TTC21B: variants seen among roughly 807,000 people sequenced by gnomAD.
The protein encoded by TTC21B is tetratricopeptide repeat protein 21B.
In TTC21B, 127 loss-of-function variants were observed where a neutral mutation model predicts 175.1. The ratio of observed to expected loss-of-function variants is 0.73; its 90% CI spans 0.63 to 0.84. TTC21B has a LOEUF of 0.84. Among genes scored for constraint, TTC21B ranks in the 40% least tolerant of loss-of-function variants. The pLI, the probability that TTC21B is intolerant of heterozygous loss-of-function variation, is 0.00. For synonymous variants in TTC21B, 524 were observed against 524.5 expected (o/e 1.00, Z 0.01); for missense variants, 1,561 against 1,558.3 (o/e 1.00, Z -0.03).
chr2:165,891,041 G>T, intron 22 of TTC21B, 53 bp from the exon 23 acceptor site: 1 of 1,459,796 alleles, frequency 6.9e-7, no homozygotes, highest in Non-Finnish European at 9.6e-7. Flanking sequence ...TGTTTCTTTT[G>T]TTGGTTATAA....
chr2:165,932,770 A>C (rs1197518240), intron 7 of TTC21B, among the ~76,000 whole-genome samples: 2 of 152,238 alleles, frequency 1.3e-5, no homozygotes, highest in South Asian at 2.1e-4. Context: ...TTAACTGTAT[A>C]GTATTTTTGC....
rs771661584 is a variant in TTC21B at position 165,915,251 on chromosome 2, A to G, written c.2088T>C (p.Asp696=). The G allele has an allele frequency of 6.2e-7, 1 of 1,614,132 alleles. No homozygotes were observed. The highest frequency in any genetic ancestry group is 1.1e-5 in the South Asian group (1 of 91,086). ...YFIEAREKMA[D]IYLKHRKDKM... ...TATCTTTTCTGTGCTTCAGATAAAT[A>G]TCTGCCATTTTTTCTCTGGCCTCTA... The change falls in exon 15 of 29, where the codon GAT becomes GAC. Residue 696 remains aspartate, a synonymous_variant. Transcript: ENST00000243344.
chr2:165,883,065 T>C (rs1684887848), intron 26 of TTC21B, among the ~76,000 whole-genome samples: 1 of 152,128 alleles, frequency 6.6e-6, no homozygotes, highest in Non-Finnish European at 1.5e-5. Context: ...AACGGTCCAT[T>C]TGTAATCTAA....
At chr2:165,952,750 T>A (rs6728363) in intron 1 of TTC21B, among the ~76,000 whole-genome samples, 4 of 152,216 alleles carry the variant, frequency 2.6e-5, no homozygotes, top group African/African-American at 9.7e-5. Context: ...ACCTCCTACA[T>A]CGCCAAATTG....
chr2:165,918,629 T>C (rs1686274375), intron 13 of TTC21B, among the ~76,000 whole-genome samples: 1 of 152,128 alleles, frequency 6.6e-6, no homozygotes, highest in Non-Finnish European at 1.5e-5. Context: ...TCTAATTCAC[T>C]GAAGGGTTCT....
chr2:165,882,147 T>G (rs759424499), intron 26 of TTC21B, among the ~76,000 whole-genome samples: 1 of 152,166 alleles, frequency 6.6e-6, no homozygotes, highest in Non-Finnish European at 1.5e-5. Context: ...TGTCTGATTC[T>G]CCCTCTTTTT....
At position 165,942,319 on chromosome 2, in the gene TTC21B, A is replaced by C. The variant is rs116316536; in HGVS notation, c.552+900T>G. ...CTTTTTGCTGAGTCAAAAAAAAATT[A>C]AGGCATTTAGATAGCATCAATGGGG... On this transcript the variant is annotated intron_variant, in intron 5 of 28. Coordinates refer to ENST00000243344, the MANE Select transcript of TTC21B (RefSeq NM_024753.5). 4.0e-3 allele frequency among the ~76,000 whole-genome samples: 613 copies of C among 152,340 alleles called. 7 individuals carry two copies. The highest frequency in any genetic ancestry group is 0.014 in the African/African-American group (578 of 41,580).
At chr2:165,936,068 T>C (rs929783749) in intron 6 of TTC21B, among the ~76,000 whole-genome samples, 11 of 151,510 alleles carry the variant, frequency 7.3e-5, no homozygotes, top group Non-Finnish European at 1.6e-4. Flanking sequence ...CAAGACTTAC[T>C]ATAAAGCTTC....
chr2:165,874,618 G>A lies in TTC21B; in HGVS notation c.*137C>T, dbSNP rs1684606417. ...CACATAGTACTTCTCTTGATGTACA[G>A]CAGCAACCTCTGCTGGAGAAAAAAG... is the stretch of plus-strand genomic sequence containing the variant. On this transcript the variant is annotated 3_prime_UTR_variant, in exon 29 of 29. Transcript: ENST00000243344. The A allele has an allele frequency of 2.7e-6, 2 of 748,972 alleles. No individual in the cohort carries two copies. The highest frequency in any genetic ancestry group is 4.7e-6 in the Non-Finnish European group (2 of 429,692). The allele number at this position is 748,972 out of a possible 1,614,324, so 46.4% of individuals were successfully genotyped here. A position where few individuals can be genotyped will look rare whatever the true frequency, so the allele number is the denominator to read the frequency against.
At chr2:165,921,818 T>A (rs1040765586) in intron 12 of TTC21B, among the ~76,000 whole-genome samples, 3 of 151,356 alleles carry the variant, frequency 2.0e-5, no homozygotes, top group Non-Finnish European at 4.4e-5. Flanking sequence ...TACTAGAAAT[T>A]TTCTTAATCT....
At chr2:165,945,998 T>C (rs1687545819) in intron 3 of TTC21B, among the ~76,000 whole-genome samples, 1 of 152,162 alleles carries the variant, frequency 6.6e-6, no homozygotes, top group Non-Finnish European at 1.5e-5. Flanking sequence ...CTGTGAAATC[T>C]GGTATTTCAT....
intron 22 of TTC21B, among the ~76,000 whole-genome samples, chr2:165,894,589 T>C (rs1023316456): frequency 3.9e-5 from 6 of 152,168 alleles, no homozygotes; most frequent in African/African-American, 1.4e-4. Flanking sequence ...TTGTGGTTGT[T>C]TTTGAGACCA....
chr2:165,891,817 T>C (rs1024948139), intron 22 of TTC21B, among the ~76,000 whole-genome samples: 1 of 151,752 alleles, frequency 6.6e-6, no homozygotes, highest in Non-Finnish European at 1.5e-5. Context: ...AAAATCACCA[T>C]ATTTCCAGCT....
rs1278717475 is a variant in TTC21B at position 165,951,733 on chromosome 2, A to G, written c.21+1952T>C. Among the ~76,000 whole-genome samples the G allele has an allele frequency of 3.3e-5, 5 of 152,236 alleles. 1 individual carries two copies. The highest frequency in any genetic ancestry group is 7.3e-5 in the Non-Finnish European group (5 of 68,042). ...GCTACTATGAATAGAAAAATGAGTAAGACATGGTTCCTGTCCCCCCGGAAA... is the reference window on the plus strand; with the variant it reads ...GCTACTATGAATAGAAAAATGAGTAGGACATGGTTCCTGTCCCCCCGGAAA... On this transcript the variant is annotated intron_variant, in intron 1 of 28. Coordinates refer to ENST00000243344, the MANE Select transcript of TTC21B (RefSeq NM_024753.5).
chr2:165,914,657 C>CTGTGTGTGTGTGTGTGTGTGTGTGTG (rs551411661), intron 15 of TTC21B, among the ~76,000 whole-genome samples: 1,997 of 118,034 alleles, frequency 0.017, 71 homozygotes, highest in East Asian at 0.043. Flanking sequence ...GAAGAGCAAT[C>CTGTGTGTGTGTGTGTGTGTGTGTGTG]TGTGTGTGTG....
At chr2:165,907,287 A>G (rs903885597) in intron 19 of TTC21B, among the ~76,000 whole-genome samples, 59 of 152,180 alleles carry the variant, frequency 3.9e-4, no homozygotes, top group African/African-American at 1.3e-3. Flanking sequence ...AAAAACATCA[A>G]CCACTTGGGA....
Position 165,917,417 on chromosome 2 carries a change from G to A in TTC21B, c.1739C>T (p.Ala580Val), listed in dbSNP as rs769968471. 10 of 1,613,892 alleles carry A rather than the reference G, an allele frequency of 6.2e-6. No individual in the cohort carries two copies. The South Asian group carries it at 1.1e-4, about 18-fold the overall frequency. Residue 580 changes from alanine (A) to valine (V), a missense_variant, in exon 14 of 29, where the codon GCA becomes GTA. Ala to Val is a moderately conservative substitution (Grantham distance 64). Coordinates refer to ENST00000243344, the MANE Select transcript of TTC21B (RefSeq NM_024753.5). ...AQSQKKMGEI[A>V]DAIKTLHMAM... ...CATATGCAGTGTTTTAATTGCGTCT[G>A]CTATTTCTCCCATTTTCTTTTGTGA...
At chr2:165,897,788 GA>G (rs1350141687) in intron 22 of TTC21B, among the ~76,000 whole-genome samples, 3 of 152,138 alleles carry the variant, frequency 2.0e-5, no homozygotes, top group Non-Finnish European at 4.4e-5. Context: ...TCCAAAAAAG[GA>G]AACTCAAACA....
chr2:165,952,887 C>T (rs1184895630), intron 1 of TTC21B, among the ~76,000 whole-genome samples: 1 of 152,166 alleles, frequency 6.6e-6, no homozygotes, highest in Non-Finnish European at 1.5e-5. Context: ...TATTTCAGTG[C>T]TTAGAACAGT....
Sources: allele counts gnomAD v4.1 joint callset (sites outside exome capture counted in the v4.1 genomes callset), GRCh38; gene constraint gnomAD v4.1.1; transcripts MANE v1.5; gene names NCBI Gene and HGNC (gene_info 2026-07-23, HGNC 2026-07-21).